Variants in PIWIL1 observed in about 807,000 individuals in gnomAD.
The protein encoded by PIWIL1 is piwi-like protein 1.
In PIWIL1, 73 loss-of-function variants were observed where a neutral mutation model predicts 114.4. The ratio of observed to expected loss-of-function variants is 0.64; its 90% confidence interval spans 0.53 to 0.78. PIWIL1 has a LOEUF of 0.78. PIWIL1 is among the 30% of genes least tolerant of loss of function. PIWIL1 has a pLI of 0.00. For synonymous variants in PIWIL1, 375 were observed against 369.0 expected, an observed-to-expected ratio of 1.02 and a Z score of -0.19; for missense variants, 723 against 1,063.1, an observed-to-expected ratio of 0.68 and a Z score of 4.45.
chr12:130,360,668 C>T (rs988616015), intron 14 of PIWIL1, among the ~76,000 whole-genome samples: 1 of 152,158 alleles, frequency 6.6e-6, no homozygotes, highest in Admixed American at 6.5e-5. Flanking sequence ...GAAAGTTAAA[C>T]TTGGATGCCC....
Position 130,361,604 on chromosome 12 carries a change from G to C in PIWIL1, c.1970+3G>C. 6.2e-7 allele frequency: 1 copy of C among 1,611,486 alleles called. No individual in the cohort carries two copies. Among genetic ancestry groups the C allele is most frequent in the South Asian group, 1.1e-5 (1 of 91,040 alleles). ...AGCATCAATGAAGGGATGACCCGGT[G>C]AGTGAGACTGGGCTACTGTGGGTGG... is the stretch of plus-strand genomic sequence containing the variant. On this transcript the variant is annotated splice_donor_region_variant and intron_variant, in intron 16 of 20. Transcript: ENST00000245255.
the PIWIL1 span, chr12:130,397,328 C>G: frequency 2.5e-6 from 1 of 398,678 alleles, no homozygotes; most frequent in Non-Finnish European, 4.4e-6. Context: ...AAGAAAATTA[C>G]ATAGATTTGG....
intron 9 of PIWIL1, among the ~76,000 whole-genome samples, chr12:130,351,922 T>C (rs1187919010): frequency 6.6e-6 from 1 of 152,214 alleles, no homozygotes; most frequent in South Asian, 2.1e-4. Flanking sequence ...CGTGGCCCTG[T>C]GTCTGGTGAA....
In PIWIL1 at chr12:130,372,517, G is replaced by GAA. The variant is rs1438072942; in HGVS notation, c.*920_*921dup. On this transcript the variant is annotated 3_prime_UTR_variant, in exon 21 of 21. Coordinates refer to ENST00000245255, the MANE Select transcript of PIWIL1 (RefSeq NM_004764.5). ...GGAGGCTGAGGCAGGAGAATCACTT[G>GAA]AACCTGAGAGGCGGAGGTTGCAGTG... 6.8e-6 allele frequency: 1 copy of GAA among 146,190 alleles called. No individual in the cohort carries two copies. The highest frequency in any genetic ancestry group is 2.6e-5 in the African/African-American group (1 of 39,040). 9.1% of individuals were successfully genotyped at this position (146,190 alleles called of 1,614,324 possible).
chr12:130,403,263 C>T, the PIWIL1 span, among the ~76,000 whole-genome samples: 1 of 152,186 alleles, frequency 6.6e-6, no homozygotes, highest in East Asian at 1.9e-4. Context: ...GCTCAGTGAA[C>T]ATGACCAGCA....
chr12:130,363,026 A>C lies in PIWIL1; in HGVS notation c.2077A>C (p.Met693Leu), dbSNP rs761000119. 1.9e-6 allele frequency: 3 copies of C among 1,614,246 alleles called. No homozygotes were observed. Among genetic ancestry groups the C allele is most frequent in the South Asian group, 1.1e-5 (1 of 91,092 alleles). The change falls in exon 18 of 21, where the codon ATG becomes CTG. Residue 693 changes from methionine (M) to leucine (L), a missense_variant. Around this residue, in one of 8 missense-constraint regions of PIWIL1, gnomAD observed 31 missense variants for 30.2 expected, o/e 1.03. Coordinates refer to ENST00000245255, the MANE Select transcript of PIWIL1 (RefSeq NM_004764.5). ...LRAWNSCNEYMPSRIIVYRDG... is the reference protein window; with the variant it reads ...LRAWNSCNEYLPSRIIVYRDG... ...GGCTTGGAATAGCTGCAATGAGTAC[A>C]TGCCCAGCCGGATCATCGTGTACCG...
At chr12:130,376,697 C>G (rs73150860), downstream of PIWIL1, among the ~76,000 whole-genome samples, 1 of 152,338 alleles carries the variant, frequency 6.6e-6, no homozygotes, top group Non-Finnish European at 1.5e-5. Context: ...TTTCAAAATA[C>G]GAGTACCTGT....
At chr12:130,412,576 G>A in the PIWIL1 span, 3,870 of 1,574,132 alleles carry the variant, frequency 2.5e-3, 80 homozygotes, top group African/African-American at 0.046. Flanking sequence ...GTGTTTTGTG[G>A]GATAAAATGC....
chr12:130,406,790 G>A, the PIWIL1 span, among the ~76,000 whole-genome samples: 1 of 152,158 alleles, frequency 6.6e-6, no homozygotes, highest in Non-Finnish European at 1.5e-5. Context: ...GGGACTACAG[G>A]TGTGTGCCAC....
chr12:130,422,396 T>A, the PIWIL1 span: 20 of 1,243,862 alleles, frequency 1.6e-5, no homozygotes, highest in Non-Finnish European at 2.3e-5. The surrounding 1 kb of genome is among the most constrained non-coding windows in gnomAD (Gnocchi z 5.2). Context: ...TTAGATGGAG[T>A]AAGCAGCCAC....
intron 14 of PIWIL1, among the ~76,000 whole-genome samples, chr12:130,360,503 C>T (rs769939215): frequency 1.6e-4 from 25 of 152,062 alleles, no homozygotes; most frequent in Non-Finnish European, 7.4e-5. Context: ...CATGGTGGTG[C>T]GAACCTGTAG....
chr12:130,367,916 G>A (rs914362280), intron 19 of PIWIL1, among the ~76,000 whole-genome samples: 2 of 152,166 alleles, frequency 1.3e-5, no homozygotes, highest in Non-Finnish European at 2.9e-5. Context: ...TCATGCCGTA[G>A]CCTCCTGAAT....
intron 3 of PIWIL1, among the ~76,000 whole-genome samples, chr12:130,343,597 G>A (rs962896361): frequency 1.3e-5 from 2 of 150,934 alleles, no homozygotes; most frequent in African/African-American, 4.9e-5. Flanking sequence ...ATTCTGTAAA[G>A]GGATGTGGAT....
chr12:130,350,614 T>TCAGATGAG lies in PIWIL1; in HGVS notation c.1044+653_1044+660dup, dbSNP rs1425688783. ...ATGCATGCTAACATTGTTTCAGTAC[T>TCAGATGAG]CAGATGAGCAGATCTGGCCCCCAAA... On this transcript the variant is annotated intron_variant, in intron 9 of 20. Transcript: ENST00000245255. Among the ~76,000 whole-genome samples the TCAGATGAG allele has an allele frequency of 3.3e-5, 5 of 152,320 alleles. No homozygotes were observed. The East Asian group carries it at 9.7e-4, about 29-fold the overall frequency.
chr12:130,399,848 A>AT, the PIWIL1 span: 24 of 1,611,020 alleles, frequency 1.5e-5, no homozygotes, highest in Non-Finnish European at 1.9e-5. Flanking sequence ...AGAACTATTT[A>AT]TTTTTCTAGA....
chr12:130,367,866 C>T (rs1389489059), intron 19 of PIWIL1, among the ~76,000 whole-genome samples: 8 of 152,294 alleles, frequency 5.3e-5, no homozygotes, highest in Admixed American at 2.0e-4. Flanking sequence ...AGCATAATCT[C>T]GGCTCGCTGT....
chr12:130,416,740 C>T, the PIWIL1 span, among the ~76,000 whole-genome samples: 1 of 152,262 alleles, frequency 6.6e-6, no homozygotes, highest in South Asian at 2.1e-4. Context: ...AATTAAAGAA[C>T]TTCTGCACAG....
the PIWIL1 span, among the ~76,000 whole-genome samples, chr12:130,405,209 A>G: frequency 6.6e-6 from 1 of 152,082 alleles, no homozygotes; most frequent in Non-Finnish European, 1.5e-5. Context: ...AAACACACAC[A>G]CACAAAGTTA....
At chr12:130,356,895 A>G in intron 12 of PIWIL1, 23 bp from the exon 13 acceptor site, 3 of 1,540,576 alleles carry the variant, frequency 1.9e-6, no homozygotes, top group Non-Finnish European at 2.7e-6. Context: ...TGGAATTTAC[A>G]GTGTGTCTGA....
Sources: allele counts gnomAD v4.1 joint callset (sites outside exome capture counted in the v4.1 genomes callset), GRCh38; gene constraint gnomAD v4.1.1; regional missense constraint gnomAD v4.1.1; non-coding constraint Gnocchi (gnomAD v3.1); transcripts MANE v1.5; gene names NCBI Gene and HGNC (gene_info 2026-07-23, HGNC 2026-07-21).